Variants in PAK5 observed in about 807,000 individuals in gnomAD.
The protein encoded by PAK5 is p21 (RAC1) activated kinase 5.
In PAK5, 16 loss-of-function variants were observed where a neutral mutation model predicts 65.9. The observed-to-expected ratio is 0.24, with a 90% CI of 0.16 to 0.37. The LOEUF (loss-of-function observed/expected upper bound fraction) is 0.37, where lower values mean the gene tolerates loss of function less well. Ranked by LOEUF, PAK5 falls within the 10% of genes least tolerant of loss-of-function variation. The pLI is 1.00. For missense variants in PAK5, 785 were observed against 903.9 expected, an observed-to-expected ratio of 0.87 and a Z score of 1.69; for synonymous variants, 371 against 354.9, an observed-to-expected ratio of 1.05 and a Z score of -0.51.
chr20:9,561,231 A>G (rs2045585748), intron 6 of PAK5, among the ~76,000 whole-genome samples: 1 of 152,200 alleles, frequency 6.6e-6, no homozygotes, highest in Non-Finnish European at 1.5e-5. Flanking sequence ...TTAGGGACAG[A>G]CTGTCTTGAG....
At chr20:9,594,356 A>G (rs6056726) in intron 3 of PAK5, among the ~76,000 whole-genome samples, 36,275 of 152,186 alleles carry the variant, frequency 0.24, 4,989 homozygotes, top group East Asian at 0.49. Context: ...GACAACCTGC[A>G]GGTCACATTT....
intron 2 of PAK5, among the ~76,000 whole-genome samples, chr20:9,676,881 A>G (rs983461927): frequency 2.0e-5 from 3 of 152,204 alleles, no homozygotes; most frequent in Admixed American, 6.5e-5. Flanking sequence ...GCATTAATGC[A>G]TATCTGATAT....
At chr20:9,714,371 T>C (rs921588024) in intron 1 of PAK5, among the ~76,000 whole-genome samples, 1 of 152,152 alleles carries the variant, frequency 6.6e-6, no homozygotes, top group Admixed American at 6.6e-5. Context: ...ATGCACCAGT[T>C]ATCTGCAGGT....
chr20:9,677,313 G>A (rs1462604439), intron 2 of PAK5, among the ~76,000 whole-genome samples: 1 of 152,008 alleles, frequency 6.6e-6, no homozygotes, highest in Admixed American at 6.6e-5. Context: ...CTCCAGCCTC[G>A]GCATAACGCT....
intron 8 of PAK5, 39 bp from the exon 9 acceptor site, chr20:9,542,759 A>T: frequency 6.3e-7 from 1 of 1,595,056 alleles, no homozygotes; most frequent in Non-Finnish European, 8.6e-7. Flanking sequence ...AGGCAAGGAG[A>T]ACATTCTGAA....
At chr20:9,705,512 G>A (rs1458014551) in intron 2 of PAK5, among the ~76,000 whole-genome samples, 1 of 152,104 alleles carries the variant, frequency 6.6e-6, no homozygotes, top group African/African-American at 2.4e-5. Flanking sequence ...AGGTTAATAT[G>A]TATTATGTTG....
At chr20:9,659,911 C>T (rs543148480) in intron 2 of PAK5, among the ~76,000 whole-genome samples, 1 of 152,136 alleles carries the variant, frequency 6.6e-6, no homozygotes, top group Non-Finnish European at 1.5e-5. Context: ...GTCTCACCTT[C>T]TGACTCTTCT....
At chr20:9,644,092 T>G in intron 3 of PAK5, 33 bp downstream of exon 3, 1 of 1,552,888 alleles carries the variant, frequency 6.4e-7, no homozygotes, top group Non-Finnish European at 8.9e-7. Flanking sequence ...GCATGATTCT[T>G]AAGCCCAGCC....
At chr20:9,791,632 G>A (rs536854179) in intron 1 of PAK5, among the ~76,000 whole-genome samples, 3 of 152,224 alleles carry the variant, frequency 2.0e-5, no homozygotes, top group South Asian at 4.1e-4. Flanking sequence ...AAATAATTCA[G>A]GCACTGGTGA....
intron 1 of PAK5, among the ~76,000 whole-genome samples, chr20:9,788,590 C>A (rs1365854791): frequency 1.4e-5 from 1 of 70,804 alleles, no homozygotes; most frequent in Non-Finnish European, 3.1e-5. Flanking sequence ...ACCTGGTTAT[C>A]ACCTTGCAAA....
chr20:9,836,565 T>C (rs1445098894), intron 1 of PAK5, among the ~76,000 whole-genome samples: 3 of 152,196 alleles, frequency 2.0e-5, no homozygotes, highest in East Asian at 1.9e-4. Context: ...TGCATGGCCC[T>C]GACAACATCT....
chr20:9,609,777 G>C (rs1459852960), intron 3 of PAK5, among the ~76,000 whole-genome samples: 1 of 152,114 alleles, frequency 6.6e-6, no homozygotes, highest in Non-Finnish European at 1.5e-5. Flanking sequence ...TATATTAGTC[G>C]GTGGAACTTT....
chr20:9,640,625 C>T (rs942451502), intron 3 of PAK5, among the ~76,000 whole-genome samples: 14 of 152,132 alleles, frequency 9.2e-5, no homozygotes, highest in African/African-American at 2.7e-4. Flanking sequence ...CGCGGACCCT[C>T]GCGGTGAGTG....
intron 1 of PAK5, among the ~76,000 whole-genome samples, chr20:9,765,539 G>A (rs554855468): frequency 1.3e-5 from 2 of 151,904 alleles, no homozygotes; most frequent in South Asian, 4.2e-4. Flanking sequence ...CTAATTCTAT[G>A]AGAGCTGTTT....
At chr20:9,557,761 C>T in intron 6 of PAK5, 27 bp from the exon 7 acceptor site, 1 of 1,601,052 alleles carries the variant, frequency 6.2e-7, no homozygotes, top group Non-Finnish European at 8.5e-7. Flanking sequence ...ATTTAAGGAA[C>T]AAGACAGGTT....
intron 4 of PAK5, among the ~76,000 whole-genome samples, chr20:9,573,189 A>C (rs2045822309): frequency 6.6e-6 from 1 of 152,104 alleles, no homozygotes; most frequent in Non-Finnish European, 1.5e-5. Context: ...TCTTTAAAAA[A>C]TGTGCTTTGT....
intron 2 of PAK5, among the ~76,000 whole-genome samples, chr20:9,652,277 T>C: frequency 6.6e-6 from 1 of 152,162 alleles, no homozygotes; most frequent in African/African-American, 2.4e-5. Flanking sequence ...AGATATACAT[T>C]TATTATAGCC....
intron 2 of PAK5, among the ~76,000 whole-genome samples, chr20:9,688,394 T>A (rs2047748826): frequency 6.6e-6 from 1 of 151,830 alleles, no homozygotes; most frequent in African/African-American, 2.4e-5. Flanking sequence ...AGACCTGAAA[T>A]ACCCCAAGGC....
rs537159021 is a variant in PAK5, at chr20:9,544,497, G to A, written c.1744-3C>T. 39 of 1,613,502 alleles carry A rather than the reference G, an allele frequency of 2.4e-5. No individual in the cohort carries two copies. Among genetic ancestry groups the A allele is most frequent in the Admixed American group, 2.3e-4 (14 of 60,012 alleles). On this transcript the variant is annotated splice_polypyrimidine_tract_variant and splice_region_variant and intron_variant, in intron 7 of 9. Transcript: ENST00000353224. The stretch of plus-strand genomic sequence containing the variant: ...AAACCAAAATCAGACAACTTTATCT[G>A]AAAAGGAAAGGAATGCAACAAACTA...
Sources: gnomAD v4.1 joint callset for allele counts (sites outside exome capture counted in the v4.1 genomes callset) on GRCh38, gnomAD v4.1.1 for gene constraint, MANE v1.5 for transcripts, NCBI Gene and HGNC (gene_info 2026-07-23, HGNC 2026-07-21) for gene names.